Variants in TENM3 observed in about 807,000 individuals in gnomAD.
TENM3 encodes the protein teneurin-3.
TENM3 carries 63 observed loss-of-function variants against 255.1 expected under a neutral mutation model. The observed-to-expected ratio is 0.25, with a 90% CI of 0.20 to 0.30. TENM3 has a LOEUF of 0.30. Among genes scored for constraint, TENM3 ranks in the 10% least tolerant of loss-of-function variants. The probability of loss-of-function intolerance (pLI) is 1.00; values close to 1 mark genes in which losing one functional copy is unlikely to be tolerated. For synonymous variants in TENM3, 1,306 were observed against 1,322.3 expected, an observed-to-expected ratio of 0.99 and a Z score of 0.27; for missense variants, 2,929 against 3,461.1, an observed-to-expected ratio of 0.85 and a Z score of 3.86.
chr4:182,413,241 A>T (rs1770133627), intron 3 of TENM3, among the ~76,000 whole-genome samples: 1 of 152,176 alleles, frequency 6.6e-6, no homozygotes, highest in Admixed American at 6.5e-5. Context: ...GCAGGAAAAA[A>T]AAAGACACTT....
rs770304533 is a variant in TENM3 at position 182,600,928 on chromosome 4, A to G, written c.516A>G (p.Gln172=). ...HENKSDSENE[Q]PASNQGQSTL... is the part of the protein sequence containing the mutation. ...TTTTTTTTTTTTTTTTTTCAGAGCA[A>G]CCTGCAAGCAATCAAGGCCAGTCTA... The change falls in exon 4 of 28, where the codon CAA becomes CAG. Residue 172 remains glutamine, a synonymous_variant. Coordinates refer to ENST00000511685, the MANE Select transcript of TENM3 (RefSeq NM_001080477.4). 7.7e-7 allele frequency: 1 copy of G among 1,297,658 alleles called. No homozygotes were observed. The highest frequency in any genetic ancestry group is 2.3e-5 in the Admixed American group (1 of 44,246). 80.4% of individuals were successfully genotyped at this position (1,297,658 alleles called of 1,614,324 possible). A position where few individuals can be genotyped will look rare whatever the true frequency, so the allele number is the denominator to read the frequency against.
At chr4:181,706,426 A>G in the TENM3 span, among the ~76,000 whole-genome samples, 119,990 of 151,966 alleles carry the variant, frequency 0.79, 48,534 homozygotes, top group East Asian at 0.94. Context: ...TCGTCCATAG[A>G]CTGGTTGTGA....
intron 3 of TENM3, among the ~76,000 whole-genome samples, chr4:182,552,695 A>G (rs1742171387): frequency 6.6e-6 from 1 of 152,216 alleles, no homozygotes; most frequent in Non-Finnish European, 1.5e-5. Flanking sequence ...ATCTAGTTCT[A>G]GCATTGGCCA....
chr4:182,314,852 C>T (rs1762659740), intron 1 of TENM3, among the ~76,000 whole-genome samples: 1 of 152,116 alleles, frequency 6.6e-6, no homozygotes, highest in African/African-American at 2.4e-5. Context: ...CAACTTTCCC[C>T]TTTTACTACC....
At chr4:182,091,289 C>A in the TENM3 span, among the ~76,000 whole-genome samples, 1 of 152,242 alleles carries the variant, frequency 6.6e-6, no homozygotes, top group African/African-American at 2.4e-5. Flanking sequence ...ATCCAATCAA[C>A]AAAAAGTATA....
the TENM3 span, among the ~76,000 whole-genome samples, chr4:181,686,737 T>G: frequency 6.6e-6 from 1 of 152,222 alleles, no homozygotes; most frequent in African/African-American, 2.4e-5. Context: ...TCTTCTTTAG[T>G]GGAAATCATC....
At chr4:181,782,068 G>A in the TENM3 span, among the ~76,000 whole-genome samples, 3 of 151,868 alleles carry the variant, frequency 2.0e-5, no homozygotes. Flanking sequence ...AGGGATATTG[G>A]TCTAAAATTC....
chr4:181,921,044 A>G, the TENM3 span, among the ~76,000 whole-genome samples: 1 of 152,110 alleles, frequency 6.6e-6, no homozygotes, highest in Admixed American at 6.5e-5. Flanking sequence ...AGATAGTTGT[A>G]GATATTTGGC....
chr4:182,476,911 A>G (rs1263398643), intron 3 of TENM3, among the ~76,000 whole-genome samples: 1 of 152,218 alleles, frequency 6.6e-6, no homozygotes, highest in African/African-American at 2.4e-5. Flanking sequence ...TAGTCTGAAC[A>G]GGCTTGTTCT....
the TENM3 span, among the ~76,000 whole-genome samples, chr4:181,744,652 A>T: frequency 1.3e-5 from 2 of 152,236 alleles, no homozygotes; most frequent in African/African-American, 4.8e-5. Context: ...AAAATAGTCC[A>T]GGTGAAGGAT....
intron 1 of TENM3, among the ~76,000 whole-genome samples, chr4:182,167,471 A>G (rs76593192): frequency 0.014 from 2,166 of 152,306 alleles, 50 homozygotes; most frequent in African/African-American, 0.049. Context: ...TAAATGTACA[A>G]TTAGATTCAG....
chr4:182,594,562 C>A (rs1038221858), intron 3 of TENM3, among the ~76,000 whole-genome samples: 1 of 152,190 alleles, frequency 6.6e-6, no homozygotes, highest in South Asian at 2.1e-4. Context: ...CCTCTCCAGG[C>A]GTATTTGCTT....
At chr4:181,778,626 G>A in the TENM3 span, among the ~76,000 whole-genome samples, 1 of 152,070 alleles carries the variant, frequency 6.6e-6, no homozygotes. Flanking sequence ...CCTTGATTGA[G>A]AAATAAATCC....
intron 14 of TENM3, among the ~76,000 whole-genome samples, chr4:182,729,978 A>G (rs1403410850): frequency 6.6e-6 from 1 of 152,258 alleles, no homozygotes; most frequent in African/African-American, 2.4e-5. Flanking sequence ...ACAGATTGCC[A>G]CAAATTAAAA....
chr4:182,653,441 T>C (rs905865924), intron 5 of TENM3, among the ~76,000 whole-genome samples: 1 of 152,206 alleles, frequency 6.6e-6, no homozygotes, highest in Non-Finnish European at 1.5e-5. Flanking sequence ...AATGCTGTTA[T>C]AGGGTGTTCT....
At chr4:182,386,532 G>T (rs1016139668) in intron 3 of TENM3, among the ~76,000 whole-genome samples, 2 of 152,342 alleles carry the variant, frequency 1.3e-5, no homozygotes, top group Admixed American at 6.5e-5. Context: ...GCTGGAGCCC[G>T]CTCCCTCAGC....
At chr4:182,043,071 A>G in the TENM3 span, among the ~76,000 whole-genome samples, 108 of 152,020 alleles carry the variant, frequency 7.1e-4, no homozygotes, top group Admixed American at 1.7e-3. Context: ...TTTAATATCC[A>G]TCTCAAGCTC....
the TENM3 span, among the ~76,000 whole-genome samples, chr4:181,896,039 T>C: frequency 6.6e-6 from 1 of 152,168 alleles, no homozygotes; most frequent in Non-Finnish European, 1.5e-5. Context: ...CTGTTATTCC[T>C]ACTGTGTCTA....
chr4:182,448,762 A>T (rs1457703401), intron 3 of TENM3, among the ~76,000 whole-genome samples: 1 of 151,488 alleles, frequency 6.6e-6, no homozygotes, highest in African/African-American at 2.4e-5. Context: ...CGCTGGGGGC[A>T]CGGCTGCTCA....
Sources: gnomAD v4.1 joint callset for allele counts (sites outside exome capture counted in the v4.1 genomes callset) on GRCh38, gnomAD v4.1.1 for gene constraint, MANE v1.5 for transcripts, NCBI Gene and HGNC (gene_info 2026-07-23, HGNC 2026-07-21) for gene names.